PTGIS: variants seen among roughly 807,000 people sequenced by gnomAD.
PTGIS encodes prostaglandin I2 synthase, also known as prostacyclin synthase.
Under a neutral mutation model 50.3 loss-of-function variants are expected in PTGIS, and 45 were observed. That is an observed-to-expected ratio of 0.90 (90% CI 0.70 to 1.15). The LOEUF is 1.15. Among genes scored for constraint, PTGIS ranks in the 50% most tolerant of loss-of-function variants. PTGIS has a pLI of 0.00. For missense variants in PTGIS, 668 were observed against 661.3 expected, an observed-to-expected ratio of 1.01 and a Z score of -0.11; for synonymous variants, 260 against 267.7, an observed-to-expected ratio of 0.97 and a Z score of 0.28.
At chr20:49,549,317 A>G (rs1006953681) in intron 2 of PTGIS, among the ~76,000 whole-genome samples, 2 of 152,206 alleles carry the variant, frequency 1.3e-5, no homozygotes, top group African/African-American at 4.8e-5. Context: ...TCATCTCTAG[A>G]TTACTTATAA....
intron 8 of PTGIS, 110 bp downstream of exon 8, chr20:49,512,970 C>T: frequency 2.2e-6 from 3 of 1,360,520 alleles, no homozygotes; most frequent in African/African-American, 1.4e-5. Context: ...TGGGCAATGT[C>T]ACATAGCAAA....
At chr20:49,566,992 A>G (rs1184235500) in intron 1 of PTGIS, among the ~76,000 whole-genome samples, 1 of 152,190 alleles carries the variant, frequency 6.6e-6, no homozygotes, top group Non-Finnish European at 1.5e-5. Flanking sequence ...CTATCTTTGC[A>G]ACTTTCTGTA....
At chr20:49,519,971 CT>C (rs1981605707) in intron 6 of PTGIS, among the ~76,000 whole-genome samples, 1 of 145,494 alleles carries the variant, frequency 6.9e-6, no homozygotes, top group Non-Finnish European at 1.5e-5. Context: ...TCCCCACCCC[CT>C]ACAGTCTCTT....
intron 4 of PTGIS, among the ~76,000 whole-genome samples, chr20:49,542,446 T>C (rs769948514): frequency 2.0e-4 from 30 of 152,212 alleles, no homozygotes; most frequent in Non-Finnish European, 3.5e-4. Context: ...GTTACAGGTA[T>C]GGATTTACGT....
Position 49,507,807 on chromosome 20 carries a change from G to T in PTGIS, c.*113C>A. The T allele has an allele frequency of 7.1e-7, 1 of 1,403,968 alleles. No individual in the cohort carries two copies. The highest frequency in any genetic ancestry group is 9.8e-7 in the Non-Finnish European group (1 of 1,018,136). The allele number at this position is 1,403,968 out of a possible 1,614,324, so 87.0% of individuals were successfully genotyped here. A position where few individuals can be genotyped will look rare whatever the true frequency, so the allele number is the denominator to read the frequency against. On this transcript the variant is annotated 3_prime_UTR_variant, in exon 10 of 10. Transcript: ENST00000244043. ...CCTTCTGGGAGAAAAGCAGGGAAGT[G>T]GTAATGCTAGCACCTGCACCCGGGC...
chr20:49,548,727 A>G (rs556412181), intron 2 of PTGIS, among the ~76,000 whole-genome samples: 177 of 151,556 alleles, frequency 1.2e-3, no homozygotes, highest in African/African-American at 4.1e-3. Context: ...GGAAGGAAGG[A>G]AGGGAGGGAG....
chr20:49,546,049 A>C (rs1982349892), intron 3 of PTGIS, among the ~76,000 whole-genome samples: 1 of 152,114 alleles, frequency 6.6e-6, no homozygotes, highest in South Asian at 2.1e-4. Flanking sequence ...AATGCATGTG[A>C]AGGGTTCCGC....
Position 49,545,332 on chromosome 20 carries a change from A to T in PTGIS, c.378-884T>A, listed in dbSNP as rs559070884. ...TACTCAGGAGGCTGAGGTGGGGAGG[A>T]TTGCTTGAGTCCAGGAGTTTGAAGC... On this transcript the variant is annotated intron_variant, in intron 3 of 9. Transcript: ENST00000244043. Among the ~76,000 whole-genome samples, 6 of 152,000 alleles carry T rather than the reference A, an allele frequency of 3.9e-5. No homozygotes were observed. In the East Asian group the frequency reaches 1.2e-3, roughly 29 times the overall value.
intron 1 of PTGIS, among the ~76,000 whole-genome samples, chr20:49,561,370 G>A (rs761105484): frequency 3.3e-5 from 5 of 152,130 alleles, no homozygotes; most frequent in African/African-American, 9.7e-5. Flanking sequence ...AGCCCATCCC[G>A]GCTTCTCTAG....
chr20:49,557,072 T>G (rs144819881), intron 1 of PTGIS, among the ~76,000 whole-genome samples: 5 of 152,334 alleles, frequency 3.3e-5, no homozygotes, highest in Admixed American at 2.6e-4. Context: ...AGGTTCGTTC[T>G]TTCTTTTTTG....
At chr20:49,567,993 C>T in intron 1 of PTGIS, 50 bp downstream of exon 1, 10 of 1,444,492 alleles carry the variant, frequency 6.9e-6, no homozygotes, top group Admixed American at 2.6e-5. Context: ...GCAGCCCGGG[C>T]GGGAGCCGCC....
intron 4 of PTGIS, among the ~76,000 whole-genome samples, chr20:49,543,849 T>C (rs1982290659): frequency 6.6e-6 from 1 of 152,270 alleles, no homozygotes; most frequent in South Asian, 2.1e-4. Context: ...TCATCTGTCC[T>C]GTTCCCTGCT....
At chr20:49,551,688 T>C (rs1286079259) in intron 1 of PTGIS, among the ~76,000 whole-genome samples, 2 of 152,178 alleles carry the variant, frequency 1.3e-5, no homozygotes, top group East Asian at 3.8e-4. Context: ...TGGCTCAGAA[T>C]AAATCTCCTC....
At position 49,506,835 on chromosome 20, in the gene PTGIS, G is replaced by A. The variant is rs1448830604; in HGVS notation, c.*1085C>T. 6.6e-6 allele frequency: 1 copy of A among 152,262 alleles called. No individual in the cohort carries two copies. The highest frequency in any genetic ancestry group is 1.5e-5 in the Non-Finnish European group (1 of 68,104). 9.4% of individuals were successfully genotyped at this position (152,262 alleles called of 1,614,324 possible). On this transcript the variant is annotated 3_prime_UTR_variant, in exon 10 of 10. Coordinates refer to ENST00000244043, the MANE Select transcript of PTGIS (RefSeq NM_000961.4). ...TCCAGGAGGCGCTGTGAATGCAGAA[G>A]CAGACCCGGTCAGAACCCTGGTGAA...
intron 3 of PTGIS, among the ~76,000 whole-genome samples, chr20:49,544,751 C>T (rs1006320884): frequency 6.6e-6 from 1 of 152,164 alleles, no homozygotes; most frequent in Non-Finnish European, 1.5e-5. Context: ...GTGACTTGCC[C>T]AAGGTCACAC....
At chr20:49,536,370 T>C (rs544245056) in intron 5 of PTGIS, among the ~76,000 whole-genome samples, 3 of 152,202 alleles carry the variant, frequency 2.0e-5, no homozygotes. Context: ...GGTGATGAAG[T>C]GTTTGAGCAC....
chr20:49,524,290 C>T (rs762724192), intron 5 of PTGIS, 51 bp from the exon 6 acceptor site: 1 of 1,596,000 alleles, frequency 6.3e-7, no homozygotes, highest in South Asian at 1.1e-5. Context: ...CCATCCCACA[C>T]CCAGGGCTGG....
chr20:49,560,136 C>T (rs988668495), intron 1 of PTGIS, among the ~76,000 whole-genome samples: 50 of 152,062 alleles, frequency 3.3e-4, no homozygotes, highest in African/African-American at 1.0e-3. Flanking sequence ...CTTGGCCAGG[C>T]TGGTCTTGAA....
intron 3 of PTGIS, among the ~76,000 whole-genome samples, chr20:49,545,461 TGAGA>T (rs371385836): frequency 2.3e-4 from 34 of 150,200 alleles, no homozygotes; most frequent in African/African-American, 8.0e-4. Flanking sequence ...TGACCTCACA[TGAGA>T]GTGACACAAG....
Sources: gnomAD v4.1 joint callset for allele counts (sites outside exome capture counted in the v4.1 genomes callset) on GRCh38, gnomAD v4.1.1 for gene constraint, MANE v1.5 for transcripts, NCBI Gene and HGNC (gene_info 2026-07-23, HGNC 2026-07-21) for gene names.